The following SUSD1 variants were observed in gnomAD, a reference collection of about 807,000 sequenced individuals.
The protein encoded by SUSD1 is sushi domain-containing protein 1.
SUSD1 carries 65 observed loss-of-function variants against 86.9 expected under a neutral mutation model. That is an observed-to-expected ratio of 0.75 (90% CI 0.61 to 0.92). The LOEUF (loss-of-function observed/expected upper bound fraction) is 0.92, where lower values mean the gene tolerates loss of function less well. SUSD1 is among the 40% of genes least tolerant of loss of function. The pLI, the probability that SUSD1 is intolerant of heterozygous loss-of-function variation, is 0.00. For synonymous variants in SUSD1, 346 were observed against 350.0 expected, an observed-to-expected ratio of 0.99 and a Z score of 0.13; for missense variants, 850 against 929.7, an observed-to-expected ratio of 0.91 and a Z score of 1.11.
At chr9:112,047,671 T>C (rs1828015641) in intron 15 of SUSD1, among the ~76,000 whole-genome samples, 1 of 152,082 alleles carries the variant, frequency 6.6e-6, no homozygotes, top group African/African-American at 2.4e-5. Context: ...GGTGAGTGAG[T>C]TCTTGCTCTG....
chr9:112,090,653 G>A (rs35593442), intron 10 of SUSD1, among the ~76,000 whole-genome samples: 15,354 of 152,030 alleles, frequency 0.1, 975 homozygotes, highest in Non-Finnish European at 0.15. Flanking sequence ...CGCCACATAC[G>A]ACAATACACA....
intron 8 of SUSD1, among the ~76,000 whole-genome samples, chr9:112,106,202 G>A (rs2131629225): frequency 6.6e-6 from 1 of 152,032 alleles, no homozygotes; most frequent in Admixed American, 6.5e-5. Flanking sequence ...GTTGACCCTG[G>A]CCTCAGGTGA....
intron 1 of SUSD1, among the ~76,000 whole-genome samples, chr9:112,165,846 GAGAA>G (rs1166899048): frequency 1.5e-5 from 2 of 133,254 alleles, no homozygotes; most frequent in South Asian, 2.4e-4. Context: ...AAGAAAGAAA[GAGAA>G]AGAGAAGGAA....
intron 5 of SUSD1, among the ~76,000 whole-genome samples, chr9:112,134,713 T>C (rs1381564540): frequency 1.3e-5 from 2 of 151,750 alleles, no homozygotes; most frequent in Admixed American, 6.6e-5. Flanking sequence ...CAATATACCA[T>C]TGTAACAAAC....
At chr9:112,129,289 A>G (rs1831915147) in intron 5 of SUSD1, among the ~76,000 whole-genome samples, 1 of 152,124 alleles carries the variant, frequency 6.6e-6, no homozygotes, top group Non-Finnish European at 1.5e-5. Flanking sequence ...ATAGAGTATT[A>G]TCTGTTCTTT....
At chr9:112,172,500 G>C (rs1285177416) in intron 1 of SUSD1, among the ~76,000 whole-genome samples, 1 of 152,072 alleles carries the variant, frequency 6.6e-6, no homozygotes, top group Non-Finnish European at 1.5e-5. Context: ...TCCCAATCTT[G>C]TCAACTTCAA....
At chr9:112,041,600 G>C (rs1307268326) in intron 16 of SUSD1, 108 bp from the exon 17 acceptor site, 14 of 755,112 alleles carry the variant, frequency 1.9e-5, no homozygotes, top group Admixed American at 5.5e-5. Flanking sequence ...AGGAGGCGAG[G>C]GGGAGCAGCA....
intron 14 of SUSD1, among the ~76,000 whole-genome samples, chr9:112,054,473 G>A (rs1473048292): frequency 6.6e-6 from 1 of 152,054 alleles, no homozygotes; most frequent in East Asian, 1.9e-4. Context: ...TGTAGTCCCA[G>A]CTACTTGAGA....
intron 12 of SUSD1, among the ~76,000 whole-genome samples, chr9:112,066,430 A>G (rs1828980949): frequency 6.6e-6 from 1 of 152,198 alleles, no homozygotes; most frequent in African/African-American, 2.4e-5. Context: ...GGGAACTGTG[A>G]CTTGTAATAT....
intron 10 of SUSD1, among the ~76,000 whole-genome samples, chr9:112,089,515 T>C (rs1830113907): frequency 1.3e-5 from 2 of 151,962 alleles, no homozygotes; most frequent in Non-Finnish European, 2.9e-5. Context: ...AGAAAGGATA[T>C]AATAGTTATG....
At chr9:112,158,298 A>G (rs988770138) in intron 1 of SUSD1, among the ~76,000 whole-genome samples, 2 of 152,060 alleles carry the variant, frequency 1.3e-5, no homozygotes, top group African/African-American at 4.8e-5. Context: ...TATACCTAAA[A>G]TGCCTATGCC....
At chr9:112,088,688 A>G (rs1830081411) in intron 10 of SUSD1, among the ~76,000 whole-genome samples, 1 of 152,246 alleles carries the variant, frequency 6.6e-6, no homozygotes, top group African/African-American at 2.4e-5. Context: ...GCTATTTGGG[A>G]GGCTGAGGTC....
chr9:112,106,633 A>G (rs1385232362), intron 8 of SUSD1, among the ~76,000 whole-genome samples: 2 of 151,950 alleles, frequency 1.3e-5, no homozygotes, highest in Non-Finnish European at 2.9e-5. Flanking sequence ...ATAAATCAAT[A>G]TAAGAGTGAG....
intron 12 of SUSD1, among the ~76,000 whole-genome samples, chr9:112,073,707 G>A (rs1226749456): frequency 6.6e-6 from 1 of 151,982 alleles, no homozygotes; most frequent in African/African-American, 2.4e-5. Context: ...GGACAACATG[G>A]CAAAACCTCA....
chr9:112,095,169 C>T (rs1422719391), intron 10 of SUSD1, among the ~76,000 whole-genome samples: 1 of 152,096 alleles, frequency 6.6e-6, no homozygotes, highest in Non-Finnish European at 1.5e-5. Flanking sequence ...TCTACAGAGA[C>T]CTCGGAGGCA....
chr9:112,158,188 C>A (rs1833419590), intron 1 of SUSD1, among the ~76,000 whole-genome samples: 1 of 151,990 alleles, frequency 6.6e-6, no homozygotes, highest in African/African-American at 2.4e-5. Context: ...TTCCGAGCCC[C>A]AACCACACAT....
chr9:112,097,222 A>C (rs2131603260), intron 10 of SUSD1, among the ~76,000 whole-genome samples: 1 of 151,562 alleles, frequency 6.6e-6, no homozygotes. Flanking sequence ...GCTACTCAAG[A>C]GGCTGAGGCA....
intron 6 of SUSD1, among the ~76,000 whole-genome samples, chr9:112,116,450 C>T (rs961120846): frequency 2.6e-5 from 4 of 152,146 alleles, no homozygotes; most frequent in Non-Finnish European, 4.4e-5. Flanking sequence ...GACTATATGC[C>T]CTCATTCCAA....
chr9:112,174,238 CT>C (rs1436085233), intron 1 of SUSD1, among the ~76,000 whole-genome samples: 1 of 152,108 alleles, frequency 6.6e-6, no homozygotes, highest in Non-Finnish European at 1.5e-5. Flanking sequence ...GCTGGGATAC[CT>C]TTTTCACATT....
Sources: gnomAD v4.1 joint callset for allele counts (sites outside exome capture counted in the v4.1 genomes callset) on GRCh38, gnomAD v4.1.1 for gene constraint, MANE v1.5 for transcripts, NCBI Gene and HGNC (gene_info 2026-07-23, HGNC 2026-07-21) for gene names.